The following DMD variants were observed in gnomAD, a reference collection of about 807,000 sequenced individuals.
DMD encodes mutant dystrophin.
In DMD, 63 loss-of-function variants were observed where a neutral mutation model predicts 330.1. That is an observed-to-expected ratio of 0.19 (90% CI 0.16 to 0.24). The LOEUF is 0.24. DMD is among the 10% of genes least tolerant of loss of function. The pLI is 1.00. For missense variants in DMD, 3,344 were observed against 2,684.1 expected (o/e 1.25, Z -5.43); for synonymous variants, 1,223 against 959.8 (o/e 1.27, Z -5.07).
chrX:31,631,016 T>C (rs929672943), intron 54 of DMD, among the ~76,000 whole-genome samples: 3 of 111,333 alleles, frequency 2.7e-5, no homozygotes, highest in Non-Finnish European at 5.6e-5. Context: ...ATTCTCAGTA[T>C]GTAAATAAGG....
At chrX:31,318,431 A>T (rs1329864177) in intron 62 of DMD, among the ~76,000 whole-genome samples, 2 of 112,583 alleles carry the variant, frequency 1.8e-5, no homozygotes, top group African/African-American at 6.5e-5. Flanking sequence ...GTCAGCACAA[A>T]CAGCAACAGT....
intron 32 of DMD, 53 bp from the exon 33 acceptor site, chrX:32,386,518 A>T (rs1436803853): frequency 4.8e-6 from 5 of 1,031,994 alleles, no homozygotes; most frequent in Non-Finnish European, 6.7e-6. Context: ...AAATTATTTC[A>T]TAATATTATG....
chrX:32,990,566 A>G (rs1464498658), intron 2 of DMD, among the ~76,000 whole-genome samples: 1 of 111,985 alleles, frequency 8.9e-6, no homozygotes, highest in Non-Finnish European at 1.9e-5. Context: ...GAACTTGTAG[A>G]TTCTATGCTA....
At chrX:32,183,533 C>T (rs1277402245) in intron 44 of DMD, among the ~76,000 whole-genome samples, 1 of 99,179 alleles carries the variant, frequency 1.0e-5, no homozygotes, top group African/African-American at 3.6e-5. Context: ...AGTCCAAATA[C>T]ACACATGCAC....
chrX:32,656,478 A>G (rs1298818465), intron 9 of DMD, among the ~76,000 whole-genome samples: 4 of 112,186 alleles, frequency 3.6e-5, no homozygotes, highest in African/African-American at 9.7e-5. Flanking sequence ...TGTTAGTGCC[A>G]CGAAACCTAC....
At chrX:31,779,893 T>C (rs762992456) in intron 50 of DMD, among the ~76,000 whole-genome samples, 150 of 112,128 alleles carry the variant, frequency 1.3e-3, no homozygotes, top group African/African-American at 4.8e-3. Flanking sequence ...CTCAAAATAG[T>C]TGAAATGAAT....
chrX:33,026,343 A>AAAAAGAAAG (rs1569550357), intron 1 of DMD, among the ~76,000 whole-genome samples: 4 of 97,547 alleles, frequency 4.1e-5, no homozygotes, highest in African/African-American at 1.5e-4. Flanking sequence ...AAAAAAAAAA[A>AAAAAGAAAG]AAAAGAAAGA....
rs201746224 is a variant in DMD, at chrX:32,364,542, T to A, written c.5154+40A>T. The A allele has an allele frequency of 5.0e-6, 6 of 1,194,102 alleles. No homozygotes were observed. The Admixed American group carries it at 1.3e-4, about 26-fold the overall frequency. ...GGACAAAGATGATTGAAGTAACTGG[T>A]GTACAATTTGGACATTACTTTTCAT... On this transcript the variant is annotated intron_variant, in intron 36 of 78. Transcript: ENST00000357033.
At chrX:32,523,428 T>A (rs2148835032) in intron 17 of DMD, among the ~76,000 whole-genome samples, 1 of 112,264 alleles carries the variant, frequency 8.9e-6, no homozygotes, top group African/African-American at 3.2e-5. Flanking sequence ...TTTCTCTCTA[T>A]TAGCTAGCCA....
intron 16 of DMD, among the ~76,000 whole-genome samples, chrX:32,565,062 C>T (rs966131625): frequency 9.0e-6 from 1 of 111,422 alleles, no homozygotes; most frequent in Non-Finnish European, 1.9e-5. Context: ...AACGATACCC[C>T]ATTTTAGTGA....
At chrX:31,796,759 G>A in intron 50 of DMD, among the ~76,000 whole-genome samples, 1 of 111,819 alleles carries the variant, frequency 8.9e-6, no homozygotes, top group Non-Finnish European at 1.9e-5. Context: ...GTGGGGTCAT[G>A]GGGGTGGATC....
intron 41 of DMD, among the ~76,000 whole-genome samples, chrX:32,332,413 A>AGTGTGTGTGT (rs111973319): frequency 0.11 from 10,540 of 95,152 alleles, 492 homozygotes; most frequent in African/African-American, 0.14. Context: ...ATGGATAAAA[A>AGTGTGTGTGT]GTGTGTGTGT....
Position 31,861,736 on chromosome X carries a change from T to TACACACACACACACACAC in DMD, c.7098+13434_7098+13451dup, listed in dbSNP as rs753295784. Among the ~76,000 whole-genome samples, 12 of 76,868 alleles carry TACACACACACACACACAC rather than the reference T, an allele frequency of 1.6e-4. No individual in the cohort carries two copies. In the East Asian group the frequency reaches 1.7e-3, roughly 11 times the overall value. The allele number at this position is 76,868 out of a possible 115,157, so 66.8% of individuals were successfully genotyped here. On this transcript the variant is annotated intron_variant, in intron 48 of 78. Transcript: ENST00000357033. ...TTATAAGGGAGGGAGAAGAGTGCTA[T>TACACACACACACACACAC]ACACACACACACACACACACACACA...
intron 1 of DMD, among the ~76,000 whole-genome samples, chrX:33,065,470 A>G (rs1466925572): frequency 8.9e-6 from 1 of 112,642 alleles, no homozygotes; most frequent in Non-Finnish European, 1.9e-5. Context: ...ACATGTATTT[A>G]TTAACATGTG....
chrX:31,817,587 A>G (rs2092664723), intron 50 of DMD, among the ~76,000 whole-genome samples: 1 of 111,041 alleles, frequency 9.0e-6, no homozygotes, highest in Non-Finnish European at 1.9e-5. Context: ...CTTTCCCTTA[A>G]TTCTTTTTTA....
At chrX:31,804,367 T>C (rs2092215078) in intron 50 of DMD, among the ~76,000 whole-genome samples, 1 of 111,743 alleles carries the variant, frequency 8.9e-6, no homozygotes, top group Non-Finnish European at 1.9e-5. Flanking sequence ...CTTGAATCTG[T>C]CTACTTTGTC....
chrX:31,187,782 A>G (rs919497605), intron 67 of DMD, among the ~76,000 whole-genome samples: 2 of 73,359 alleles, frequency 2.7e-5, no homozygotes, highest in Admixed American at 1.4e-4. Flanking sequence ...AGAGAGAGAG[A>G]GAGAGAACAA....
chrX:32,104,866 C>G (rs1472170174), intron 44 of DMD, among the ~76,000 whole-genome samples: 3 of 111,224 alleles, frequency 2.7e-5, no homozygotes, highest in Admixed American at 9.6e-5. Context: ...TGGAAAAGAG[C>G]TCCTAGGAAA....
intron 42 of DMD, among the ~76,000 whole-genome samples, chrX:32,305,556 G>A (rs747106669): frequency 9.0e-6 from 1 of 110,770 alleles, no homozygotes; most frequent in African/African-American, 3.3e-5. Flanking sequence ...TCTCACTACC[G>A]ACCAAGTCCA....
Sources: gnomAD v4.1 joint callset for allele counts (sites outside exome capture counted in the v4.1 genomes callset) on GRCh38, gnomAD v4.1.1 for gene constraint, MANE v1.5 for transcripts, NCBI Gene and HGNC (gene_info 2026-07-23, HGNC 2026-07-21) for gene names.